IQCK: variants seen among roughly 807,000 people sequenced by gnomAD.
The protein encoded by IQCK is IQ domain-containing protein K.
Under a neutral mutation model 28.1 loss-of-function variants are expected in IQCK, and 29 were observed. The ratio of observed to expected loss-of-function variants is 1.03; its 90% CI spans 0.77 to 1.41. The LOEUF (loss-of-function observed/expected upper bound fraction) is 1.41. Among genes scored for constraint, IQCK ranks in the 40% most tolerant of loss-of-function variants. IQCK has a pLI of 0.00. For missense variants in IQCK, 359 were observed against 314.7 expected (o/e 1.14, Z -1.07); for synonymous variants, 113 against 115.1 (o/e 0.98, Z 0.12).
chr16:19,849,141 A>G (rs1163067409), intron 9 of IQCK, among the ~76,000 whole-genome samples: 1 of 151,674 alleles, frequency 6.6e-6, no homozygotes, highest in African/African-American at 2.4e-5. Context: ...TGTCTGGTAT[A>G]TTTTCTGGTG....
chr16:19,842,473 CAAG>C (rs1309233498), intron 9 of IQCK, among the ~76,000 whole-genome samples: 1 of 152,174 alleles, frequency 6.6e-6, no homozygotes, highest in Non-Finnish European at 1.5e-5. Flanking sequence ...GCTTACAAAC[CAAG>C]GTACCTTGGG....
intron 6 of IQCK, among the ~76,000 whole-genome samples, chr16:19,779,612 T>C (rs1296859821): frequency 6.6e-6 from 1 of 152,214 alleles, no homozygotes; most frequent in East Asian, 1.9e-4. Context: ...AACTTTCTGG[T>C]CACTCTCTCT....
At chr16:19,753,562 A>G (rs2055014960) in intron 4 of IQCK, among the ~76,000 whole-genome samples, 1 of 152,160 alleles carries the variant, frequency 6.6e-6, no homozygotes, top group African/African-American at 2.4e-5. Flanking sequence ...TCCTGAAAGG[A>G]ACTCAGGGTG....
At chr16:19,848,616 C>G (rs2141120525) in intron 9 of IQCK, among the ~76,000 whole-genome samples, 1 of 152,318 alleles carries the variant, frequency 6.6e-6, no homozygotes, top group South Asian at 2.1e-4. Flanking sequence ...GTGCCACATA[C>G]TGGTGCCACC....
At chr16:19,772,657 T>C (rs2055335203) in intron 6 of IQCK, among the ~76,000 whole-genome samples, 1 of 152,194 alleles carries the variant, frequency 6.6e-6, no homozygotes, top group African/African-American at 2.4e-5. Flanking sequence ...TGGATTCCTT[T>C]TAATTTTTTC....
intron 4 of IQCK, among the ~76,000 whole-genome samples, chr16:19,758,184 T>C (rs1035466328): frequency 5.9e-5 from 9 of 152,138 alleles, no homozygotes; most frequent in Non-Finnish European, 5.9e-5. Context: ...TCTCTCCTAC[T>C]TCCTCTCTTA....
At chr16:19,784,251 C>T (rs1243103182) in intron 6 of IQCK, among the ~76,000 whole-genome samples, 2 of 151,958 alleles carry the variant, frequency 1.3e-5, no homozygotes, top group Non-Finnish European at 2.9e-5. Context: ...GTGTTTTCTT[C>T]TCCTTAACAC....
chr16:19,835,734 G>T (rs1367933104), intron 9 of IQCK, among the ~76,000 whole-genome samples: 1 of 151,914 alleles, frequency 6.6e-6, no homozygotes, highest in Non-Finnish European at 1.5e-5. Context: ...ATAGGCGAGT[G>T]CCACCACACC....
At chr16:19,778,281 G>T (rs1033085038) in intron 6 of IQCK, among the ~76,000 whole-genome samples, 5 of 152,220 alleles carry the variant, frequency 3.3e-5, no homozygotes, top group Non-Finnish European at 5.9e-5. Flanking sequence ...GGCATCTGTA[G>T]TGGAGAGCAT....
intron 7 of IQCK, among the ~76,000 whole-genome samples, chr16:19,816,492 G>C (rs2055990713): frequency 6.6e-6 from 1 of 152,186 alleles, no homozygotes; most frequent in Admixed American, 6.5e-5. Flanking sequence ...ATGTTGGCCA[G>C]GCTGGTCTCA....
chr16:19,809,652 T>C lies in IQCK; in HGVS notation c.691-17374T>C, dbSNP rs368962229. 2.6e-5 allele frequency among the ~76,000 whole-genome samples: 4 copies of C among 152,324 alleles called. No individual in the cohort carries two copies. The South Asian group carries it at 8.3e-4, about 32-fold the overall frequency. ...AAGAGAGAGGTGATAGACTCCCTCATTCAATGAGAAGCACGACAATGTTTT... is the reference window on the plus strand; with the variant it reads ...AAGAGAGAGGTGATAGACTCCCTCACTCAATGAGAAGCACGACAATGTTTT... On this transcript the variant is annotated intron_variant, in intron 7 of 7. Transcript: ENST00000564186.
chr16:19,810,309 A>G (rs900471908), intron 7 of IQCK, among the ~76,000 whole-genome samples: 9 of 151,178 alleles, frequency 6.0e-5, no homozygotes, highest in Non-Finnish European at 1.3e-4. Flanking sequence ...ATCCTGGCTA[A>G]CACGGTGAAA....
chr16:19,799,638 ACACC>A (rs1411884791), intron 7 of IQCK, among the ~76,000 whole-genome samples: 11 of 126,012 alleles, frequency 8.7e-5, no homozygotes, highest in African/African-American at 1.8e-4. Flanking sequence ...ACACACACAC[ACACC>A]CAGTGAATAC....
At chr16:19,765,400 C>T (rs62025014) in intron 6 of IQCK, among the ~76,000 whole-genome samples, 7,075 of 151,114 alleles carry the variant, frequency 0.047, 369 homozygotes, top group South Asian at 0.19. Context: ...TAGCTGGGCA[C>T]GGTGGCACGT....
intron 6 of IQCK, among the ~76,000 whole-genome samples, chr16:19,775,088 G>C (rs775186390): frequency 1.3e-5 from 2 of 151,980 alleles, no homozygotes; most frequent in Non-Finnish European, 2.9e-5. Flanking sequence ...TTAGCCAGGC[G>C]TGGTGGTGTG....
intron 6 of IQCK, among the ~76,000 whole-genome samples, chr16:19,767,418 G>T (rs886253049): frequency 6.6e-6 from 1 of 152,134 alleles, no homozygotes. Context: ...AGCCAGAAGG[G>T]CACCATGGTT....
intron 1 of IQCK, among the ~76,000 whole-genome samples, chr16:19,727,944 C>T (rs1400049729): frequency 2.0e-5 from 3 of 152,074 alleles, no homozygotes; most frequent in Non-Finnish European, 2.9e-5. Flanking sequence ...ACACACCTCA[C>T]TTATTCAATC....
At chr16:19,779,180 A>G (rs796500503) in intron 6 of IQCK, among the ~76,000 whole-genome samples, 6 of 152,320 alleles carry the variant, frequency 3.9e-5, no homozygotes, top group African/African-American at 1.4e-4. Flanking sequence ...TCAGTCCGGC[A>G]GCTGGATGGG....
downstream of IQCK, among the ~76,000 whole-genome samples, chr16:19,830,302 A>G (rs2056214136): frequency 6.6e-6 from 1 of 152,108 alleles, no homozygotes; most frequent in Admixed American, 6.6e-5. Context: ...GTTGGTCTGT[A>G]TTCTTTGGAT....
Sources: gnomAD v4.1 joint callset for allele counts (sites outside exome capture counted in the v4.1 genomes callset) on GRCh38, gnomAD v4.1.1 for gene constraint, MANE v1.5 for transcripts, NCBI Gene and HGNC (gene_info 2026-07-23, HGNC 2026-07-21) for gene names.